The following PPARGC1B variants were observed in gnomAD, a reference collection of about 807,000 sequenced individuals.
PPARGC1B encodes peroxisome proliferator-activated receptor gamma coactivator 1-beta.
PPARGC1B carries 34 observed loss-of-function variants against 101.6 expected under a neutral mutation model. The observed-to-expected ratio is 0.33, with a 90% CI of 0.25 to 0.45. The LOEUF (loss-of-function observed/expected upper bound fraction) is 0.45. PPARGC1B is among the 20% of genes least tolerant of loss of function. PPARGC1B has a pLI of 1.00. For synonymous variants in PPARGC1B, 548 were observed against 539.3 expected, an observed-to-expected ratio of 1.02 and a Z score of -0.22; for missense variants, 1,234 against 1,317.6, an observed-to-expected ratio of 0.94 and a Z score of 0.98.
intron 1 of PPARGC1B, among the ~76,000 whole-genome samples, chr5:149,815,528 C>G (rs1758017968): frequency 6.6e-6 from 1 of 151,934 alleles, no homozygotes. Context: ...TATGGAAGCC[C>G]TAGCAACCTA....
intron 4 of PPARGC1B, among the ~76,000 whole-genome samples, chr5:149,831,285 C>T (rs32579): frequency 0.38 from 58,425 of 152,000 alleles, 12,012 homozygotes; most frequent in African/African-American, 0.52. Flanking sequence ...TAAAGCTCTG[C>T]CATAGACATC....
intron 1 of PPARGC1B, among the ~76,000 whole-genome samples, chr5:149,778,110 CAGAGT>C (rs1756460986): frequency 4.3e-5 from 3 of 69,870 alleles, no homozygotes; most frequent in South Asian, 4.3e-4. Context: ...CACACACACA[CAGAGT>C]ACCCAGCTGC....
intron 11 of PPARGC1B, chr5:149,846,286 C>A: frequency 2.3e-6 from 1 of 441,860 alleles, no homozygotes. Context: ...CCAGACAAGG[C>A]AGCAGCCACC....
intron 1 of PPARGC1B, chr5:149,817,534 G>T (rs145438708): frequency 5.8e-6 from 2 of 346,832 alleles, no homozygotes; most frequent in Non-Finnish European, 1.1e-5. Flanking sequence ...TCTTCCATCA[G>T]TGCACCTTGT....
At chr5:149,775,976 C>T (rs1309106268) in intron 1 of PPARGC1B, among the ~76,000 whole-genome samples, 3 of 149,764 alleles carry the variant, frequency 2.0e-5, no homozygotes, top group African/African-American at 7.3e-5. Flanking sequence ...CCAAGCTGTC[C>T]AAAGCCAGTA....
intron 1 of PPARGC1B, among the ~76,000 whole-genome samples, chr5:149,809,942 T>C (rs1259819433): frequency 6.6e-6 from 1 of 151,732 alleles, no homozygotes; most frequent in Non-Finnish European, 1.5e-5. Flanking sequence ...CTATGGGAGA[T>C]GAAGGAGAGA....
intron 7 of PPARGC1B, among the ~76,000 whole-genome samples, chr5:149,835,635 C>T (rs547986260): frequency 2.7e-4 from 41 of 152,316 alleles, no homozygotes; most frequent in African/African-American, 6.0e-4. Context: ...GTTTTATCTG[C>T]GGTGCCTGCC....
chr5:149,736,579 G>T (rs1273053167), intron 1 of PPARGC1B, among the ~76,000 whole-genome samples: 2 of 152,034 alleles, frequency 1.3e-5, no homozygotes, highest in Admixed American at 1.3e-4. Context: ...TCTGATCTAG[G>T]TTTTTGTCTG....
intron 1 of PPARGC1B, among the ~76,000 whole-genome samples, chr5:149,769,672 G>A (rs1308056891): frequency 2.6e-5 from 4 of 152,190 alleles, no homozygotes; most frequent in African/African-American, 9.7e-5. Flanking sequence ...CGTTTCAGAG[G>A]TCAGCAGCCA....
intron 10 of PPARGC1B, among the ~76,000 whole-genome samples, chr5:149,844,332 C>G (rs774360303): frequency 1.8e-4 from 27 of 152,280 alleles, no homozygotes; most frequent in Non-Finnish European, 3.1e-4. Flanking sequence ...GAGTCTTGGA[C>G]GTACTACCAA....
chr5:149,758,326 G>A (rs1755608328), intron 1 of PPARGC1B, among the ~76,000 whole-genome samples: 1 of 152,204 alleles, frequency 6.6e-6, no homozygotes. Context: ...CCTCTTGTCT[G>A]TTCATTTATT....
At chr5:149,856,237 C>G (rs1425297005), downstream of PPARGC1B, among the ~76,000 whole-genome samples, 1 of 152,126 alleles carries the variant, frequency 6.6e-6, no homozygotes, top group African/African-American at 2.4e-5. Flanking sequence ...TCTCCTTGTT[C>G]AGGTGATTTA....
intron 1 of PPARGC1B, among the ~76,000 whole-genome samples, chr5:149,790,757 C>T (rs2017755): frequency 0.45 from 67,780 of 151,826 alleles, 15,381 homozygotes; most frequent in East Asian, 0.7. Flanking sequence ...GAGATGGGAC[C>T]GGGCAATCCA....
chr5:149,801,016 T>C (rs1757412364), intron 1 of PPARGC1B, among the ~76,000 whole-genome samples: 1 of 152,086 alleles, frequency 6.6e-6, no homozygotes, highest in Non-Finnish European at 1.5e-5. Context: ...ACATATGGCG[T>C]GGATCAGGTA....
chr5:149,844,629 G>C (rs1327600663), intron 10 of PPARGC1B, among the ~76,000 whole-genome samples: 1 of 152,226 alleles, frequency 6.6e-6, no homozygotes, highest in Non-Finnish European at 1.5e-5. Flanking sequence ...GACAGAGCGA[G>C]ACTCTGTCTC....
chr5:149,835,424 G>A (rs1759009177), intron 7 of PPARGC1B, 59 bp downstream of exon 7: 2 of 1,482,146 alleles, frequency 1.3e-6, no homozygotes, highest in Admixed American at 3.4e-5. Context: ...GCATCTCTGA[G>A]TTTTTCATCA....
At chr5:149,763,598 A>G (rs748993077) in intron 1 of PPARGC1B, among the ~76,000 whole-genome samples, 22 of 138,436 alleles carry the variant, frequency 1.6e-4, no homozygotes, top group Non-Finnish European at 3.2e-4. Context: ...TGGTGTGATC[A>G]CAGCTCACTG....
At chr5:149,741,866 G>A (rs1754921619) in intron 1 of PPARGC1B, among the ~76,000 whole-genome samples, 1 of 152,124 alleles carries the variant, frequency 6.6e-6, no homozygotes, top group Non-Finnish European at 1.5e-5. Flanking sequence ...CTGACCTCAG[G>A]TAATTCAAAC....
intron 9 of PPARGC1B, among the ~76,000 whole-genome samples, chr5:149,840,951 ATCT>A (rs1759310764): frequency 1.3e-5 from 2 of 152,184 alleles, no homozygotes; most frequent in Non-Finnish European, 2.9e-5. Flanking sequence ...TGCATGGAGC[ATCT>A]TCTTGGAGTC....
Sources: allele counts gnomAD v4.1 joint callset (sites outside exome capture counted in the v4.1 genomes callset), GRCh38; gene constraint gnomAD v4.1.1; transcripts MANE v1.5; gene names NCBI Gene and HGNC (gene_info 2026-07-23, HGNC 2026-07-21).